SGF29: variants seen among roughly 807,000 people sequenced by gnomAD.
The protein encoded by SGF29 is SAGA complex associated factor 29.
SGF29 carries 15 observed loss-of-function variants against 38.1 expected under a neutral mutation model. That is an observed-to-expected ratio of 0.39 (90% CI 0.26 to 0.61). The LOEUF is 0.61. Ranked by LOEUF, SGF29 falls within the 20% of genes least tolerant of loss-of-function variation. SGF29 has a pLI of 0.49. For synonymous variants in SGF29, 151 were observed against 160.8 expected (o/e 0.94, Z 0.46); for missense variants, 184 against 394.6 (o/e 0.47, Z 4.52).
At chr16:28,570,075 G>C (rs1273353185) in intron 1 of SGF29, among the ~76,000 whole-genome samples, 2 of 152,196 alleles carry the variant, frequency 1.3e-5, no homozygotes, top group African/African-American at 4.8e-5. Flanking sequence ...GCATTGCCTA[G>C]CAGAGCTATG....
At chr16:28,573,344 A>G (rs2046876542) in intron 1 of SGF29, among the ~76,000 whole-genome samples, 2 of 152,156 alleles carry the variant, frequency 1.3e-5, no homozygotes, top group African/African-American at 4.8e-5. Context: ...TGTCAAGATC[A>G]GTAGGCCACA....
chr16:28,554,481 A>C (rs1281340410), intron 1 of SGF29, among the ~76,000 whole-genome samples: 1 of 152,180 alleles, frequency 6.6e-6, no homozygotes, highest in Non-Finnish European at 1.5e-5. Flanking sequence ...GATTTGCACA[A>C]AAATTTTGTA....
intron 5 of SGF29, 101 bp from the exon 6 acceptor site, chr16:28,589,995 T>TG (rs2046978302): frequency 6.8e-6 from 10 of 1,468,918 alleles, no homozygotes; most frequent in African/African-American, 1.4e-5. Flanking sequence ...ACTCGGGAAC[T>TG]GGGGGCTCCC....
chr16:28,591,659 G>A lies in SGF29; in HGVS notation c.835G>A (p.Val279Met). 1 of 1,614,090 alleles carries A rather than the reference G, an allele frequency of 6.2e-7. No individual in the cohort carries two copies. Among genetic ancestry groups the A allele is most frequent in the South Asian group, 1.1e-5 (1 of 91,088 alleles). Residue 279 changes from valine (V) to methionine (M), a missense_variant, in exon 10 of 10, where the codon GTG becomes ATG. Val to Met is a conservative substitution (Grantham distance 21). This residue lies in a region of SGF29 where 107 missense variants were observed against 276.9 expected (regional missense o/e 0.39). Transcript: ENST00000317058. The stretch of plus-strand genomic sequence containing the variant: ...AGATGGCTATTCCCCTCCCCTCAAT[G>A]TGGCTCAGAGATACGTGGTGGCTTG... ...YADGYSPPLNVAQRYVVACKE... is the reference protein window; with the variant it reads ...YADGYSPPLNMAQRYVVACKE...
At chr16:28,571,066 G>A (rs2046862006) in intron 1 of SGF29, among the ~76,000 whole-genome samples, 1 of 152,112 alleles carries the variant, frequency 6.6e-6, no homozygotes, top group African/African-American at 2.4e-5. Context: ...AAATTCATAT[G>A]TTGAAACTTG....
intron 1 of SGF29, among the ~76,000 whole-genome samples, chr16:28,577,858 A>G (rs2151649278): frequency 6.6e-6 from 1 of 152,344 alleles, no homozygotes; most frequent in Non-Finnish European, 1.5e-5. Context: ...CAGTTGTCCC[A>G]GTACCATTTG....
intron 1 of SGF29, among the ~76,000 whole-genome samples, chr16:28,577,619 C>T (rs1287236478): frequency 2.0e-5 from 3 of 152,282 alleles, no homozygotes; most frequent in East Asian, 1.9e-4. Flanking sequence ...TTTATGCATT[C>T]GTGTAGTTTC....
chr16:28,585,694 C>G lies in SGF29; in HGVS notation c.198C>G (p.Ala66=). 1 of 1,614,230 alleles carries G rather than the reference C, an allele frequency of 6.2e-7. No individual in the cohort carries two copies. The highest frequency in any genetic ancestry group is 8.5e-7 in the Non-Finnish European group (1 of 1,180,030). The change falls in exon 4 of 10, where the codon GCC becomes GCG. Residue 66 remains alanine, a synonymous_variant. Coordinates refer to ENST00000317058, the MANE Select transcript of SGF29 (RefSeq NM_138414.3). The part of the protein sequence containing the change: ...RTKLRGLYTT[A]KADAEAECNI... ...AGCTGCGTGGCCTCTACACAACCGC[C>G]AAGGCCGATGCAGAGGCTGAGTGCA... is the stretch of plus-strand genomic sequence containing the variant.
chr16:28,558,978 T>C (rs565359516), intron 1 of SGF29, among the ~76,000 whole-genome samples: 19 of 152,214 alleles, frequency 1.2e-4, no homozygotes, highest in Non-Finnish European at 2.2e-4. Context: ...AGTGGTGATA[T>C]TTGCACAACC....
chr16:28,559,937 T>G (rs940082371), intron 1 of SGF29, among the ~76,000 whole-genome samples: 1 of 152,130 alleles, frequency 6.6e-6, no homozygotes, highest in African/African-American at 2.4e-5. Flanking sequence ...TCCAAAATTC[T>G]TAGACACAAG....
At chr16:28,585,850 C>A in intron 4 of SGF29, 130 bp downstream of exon 4, 1 of 839,768 alleles carries the variant, frequency 1.2e-6, no homozygotes. Flanking sequence ...CAGCCTCTCG[C>A]TTGGGTCCCG....
At chr16:28,565,127 A>G (rs1276091024) in intron 1 of SGF29, among the ~76,000 whole-genome samples, 3 of 152,126 alleles carry the variant, frequency 2.0e-5, no homozygotes, top group Non-Finnish European at 4.4e-5. Flanking sequence ...GGACTCAGCA[A>G]GCTGCTGGTC....
Position 28,591,776 on chromosome 16 carries a change from C to CA in SGF29, c.*71dup. On this transcript the variant is annotated 3_prime_UTR_variant, in exon 10 of 10. Transcript: ENST00000317058. ...CAGCAGAGGACGTGCTGGGATTAAA[C>CA]ACATTCCCCCTCTACTCGTCTCCTG... is the stretch of plus-strand genomic sequence containing the variant. 7.5e-7 allele frequency: 1 copy of CA among 1,338,556 alleles called. No individual in the cohort carries two copies. Among genetic ancestry groups the CA allele is most frequent in the Admixed American group, 1.7e-5 (1 of 57,192 alleles). 82.9% of individuals were successfully genotyped at this position (1,338,556 alleles called of 1,614,324 possible).
rs79832682 is a variant in SGF29, at chr16:28,585,716, T to A, written c.220T>A (p.Cys74Ser). 8.1e-6 allele frequency: 13 copies of A among 1,614,096 alleles called. No homozygotes were observed. The East Asian group carries it at 2.9e-4, about 36-fold the overall frequency. The change falls in exon 4 of 10, where the codon TGC (cysteine) becomes AGC (serine). Residue 74 changes from cysteine (C) to serine (S), a missense_variant. By Grantham distance (112) the Cys-to-Ser change is moderately radical. Coordinates refer to ENST00000317058, the MANE Select transcript of SGF29 (RefSeq NM_138414.3). Reference protein sequence around the residue: ...TTAKADAEAECNILRKALDKI... With the variant: ...TTAKADAEAESNILRKALDKI... ...CGCCAAGGCCGATGCAGAGGCTGAG[T>A]GCAAGTGAGTACCGTGCACCCACTT...
rs1258481720 is a variant in SGF29, at chr16:28,590,689, G to A, written c.602+23G>A. ...AGAGTGAGTGTCCAGGCCAGGGCAG[G>A]GCATGGAGCCTGGGGGCAGCCTAAC... is the stretch of plus-strand genomic sequence containing the variant. On this transcript the variant is annotated intron_variant, in intron 8 of 9. Coordinates refer to ENST00000317058, the MANE Select transcript of SGF29 (RefSeq NM_138414.3). This position sits in a 1 kb window ranked among gnomAD's most constrained non-coding sequence, Gnocchi z 8.2. 6 of 1,613,956 alleles carry A rather than the reference G, an allele frequency of 3.7e-6. No homozygotes were observed. In the East Asian group the frequency reaches 6.7e-5, roughly 18 times the overall value.
intron 1 of SGF29, 42 bp from the exon 2 acceptor site, chr16:28,581,013 A>T: frequency 1.4e-6 from 2 of 1,429,092 alleles, no homozygotes; most frequent in Non-Finnish European, 2.0e-6. Flanking sequence ...AGCCCACAGC[A>T]GCCACTAACA....
At chr16:28,555,272 C>G (rs912984612) in intron 1 of SGF29, among the ~76,000 whole-genome samples, 1 of 151,102 alleles carries the variant, frequency 6.6e-6, no homozygotes, top group African/African-American at 2.4e-5. Flanking sequence ...GAGACCAGCC[C>G]GAGCAACGTG....
intron 1 of SGF29, among the ~76,000 whole-genome samples, chr16:28,564,745 G>T (rs12929216): frequency 4.3e-5 from 1 of 23,484 alleles, no homozygotes; most frequent in African/African-American, 1.5e-4. Context: ...ATGTATATAT[G>T]TATATATATG....
chr16:28,558,184 C>T (rs145104526), intron 1 of SGF29, among the ~76,000 whole-genome samples: 3,085 of 150,182 alleles, frequency 0.021, 127 homozygotes, highest in African/African-American at 0.072. Flanking sequence ...CGACTCACTG[C>T]GACCTCCACC....
Sources: allele counts gnomAD v4.1 joint callset (sites outside exome capture counted in the v4.1 genomes callset), GRCh38; gene constraint gnomAD v4.1.1; regional missense constraint gnomAD v4.1.1; non-coding constraint Gnocchi (gnomAD v3.1); transcripts MANE v1.5; gene names NCBI Gene and HGNC (gene_info 2026-07-23, HGNC 2026-07-21).